PTPRD: variants seen among roughly 807,000 people sequenced by gnomAD.
PTPRD encodes the protein protein tyrosine phosphatase receptor type D, also known as receptor-type tyrosine-protein phosphatase delta.
In PTPRD, 34 loss-of-function variants were observed where a neutral mutation model predicts 214.5. The observed-to-expected ratio is 0.16, with a 90% CI of 0.12 to 0.21. PTPRD has a LOEUF of 0.21. Ranked by LOEUF, PTPRD falls within the 10% of genes least tolerant of loss-of-function variation. The probability of loss-of-function intolerance (pLI) is 1.00; values close to 1 mark genes in which losing one functional copy is unlikely to be tolerated. For synonymous variants in PTPRD, 1,128 were observed against 845.7 expected (o/e 1.33, Z -5.79); for missense variants, 2,545 against 2,398.7 (o/e 1.06, Z -1.27).
At chr9:9,959,476 T>C (rs951964664) in intron 4 of PTPRD, among the ~76,000 whole-genome samples, 3 of 151,966 alleles carry the variant, frequency 2.0e-5, no homozygotes, top group Admixed American at 2.0e-4. Flanking sequence ...CAGCACAGAG[T>C]AAAACTTAAT....
chr9:9,998,129 A>AATATAT lies in PTPRD; in HGVS notation c.-472+35583_-472+35588dup, dbSNP rs1555449231. Among the ~76,000 whole-genome samples, 85 of 91,432 alleles carry AATATAT rather than the reference A, an allele frequency of 9.3e-4. 3 individuals carry two copies. The Middle Eastern group carries it at 0.019, about 20-fold the overall frequency. 60.0% of individuals were successfully genotyped at this position (91,432 alleles called of 152,430 possible). ...TTAAAGTATAATAAAAAAAAAAAAAAATATATATATATATATAAAAGAAGA... is the reference window on the plus strand; with the variant it reads ...TTAAAGTATAATAAAAAAAAAAAAAAATATATATATATATATATATATAAAAGAAGA... On this transcript the variant is annotated intron_variant, in intron 4 of 45. Transcript: ENST00000381196.
chr9:9,513,730 C>A (rs1039349917), intron 8 of PTPRD, among the ~76,000 whole-genome samples: 5 of 151,832 alleles, frequency 3.3e-5, no homozygotes, highest in Admixed American at 6.6e-5. Context: ...ATAGATAGCA[C>A]CAAAATTCCA....
At chr9:9,093,380 A>G (rs1333970105) in intron 10 of PTPRD, among the ~76,000 whole-genome samples, 1 of 152,070 alleles carries the variant, frequency 6.6e-6, no homozygotes, top group South Asian at 2.1e-4. Flanking sequence ...GGCAGACTAC[A>G]TAGTTTATTC....
chr9:8,585,276 T>C (rs1412039503), intron 14 of PTPRD, among the ~76,000 whole-genome samples: 1 of 152,154 alleles, frequency 6.6e-6, no homozygotes, highest in Non-Finnish European at 1.5e-5. Context: ...TGAAGATAGA[T>C]GGAAACAAAT....
At chr9:8,427,610 A>C (rs2094770420) in intron 35 of PTPRD, among the ~76,000 whole-genome samples, 1 of 152,054 alleles carries the variant, frequency 6.6e-6, no homozygotes, top group Admixed American at 6.6e-5. Context: ...AACAAGTGAT[A>C]ATTGCACTGG....
intron 8 of PTPRD, among the ~76,000 whole-genome samples, chr9:9,418,267 G>T (rs192368757): frequency 7.2e-5 from 11 of 152,066 alleles, no homozygotes; most frequent in Admixed American, 7.2e-4. Context: ...AAGGCCAACT[G>T]GGTTTTCTGC....
rs73396833 is a variant in PTPRD, at chr9:9,799,107, T to A, written c.-367-32256A>T. ...TTATCTACACATTTTAAAATTCATT[T>A]GACCAGAAGGTTCCCTCCAATTTAT... On this transcript the variant is annotated intron_variant, in intron 5 of 45. Coordinates refer to ENST00000381196, the MANE Select transcript of PTPRD (RefSeq NM_002839.4). 5.3e-3 allele frequency among the ~76,000 whole-genome samples: 803 copies of A among 152,338 alleles called. 2 individuals carry two copies. The highest frequency in any genetic ancestry group is 0.016 in the African/African-American group (669 of 41,576).
intron 7 of PTPRD, among the ~76,000 whole-genome samples, chr9:9,690,635 G>T (rs551423964): frequency 1.3e-3 from 197 of 151,894 alleles, no homozygotes; most frequent in African/African-American, 4.4e-3. Context: ...ATTCCATTTT[G>T]ATTTGTTTTA....
chr9:10,181,203 G>T (rs1330549578), intron 3 of PTPRD, among the ~76,000 whole-genome samples: 1 of 151,974 alleles, frequency 6.6e-6, no homozygotes, highest in Non-Finnish European at 1.5e-5. Flanking sequence ...ATAGGAGTTT[G>T]TTTACCATAA....
At chr9:9,740,530 T>G (rs972513596) in intron 6 of PTPRD, among the ~76,000 whole-genome samples, 19 of 151,774 alleles carry the variant, frequency 1.3e-4, no homozygotes, top group Non-Finnish European at 1.8e-4. Context: ...GCTAATTTTT[T>G]TTGTGTATTT....
In PTPRD at chr9:8,813,240, C is replaced by T. The variant is rs569629297; in HGVS notation, c.-103-79294G>A. Among the ~76,000 whole-genome samples the T allele has an allele frequency of 2.6e-5, 4 of 151,344 alleles. No individual in the cohort carries two copies. In the East Asian group the frequency reaches 5.8e-4, roughly 22 times the overall value. The stretch of plus-strand genomic sequence containing the variant: ...TATTAAGTCTGCATATGAGACCAGA[C>T]GAGGAGGAAGCATTGAGGAAGGGCG... On this transcript the variant is annotated intron_variant, in intron 11 of 45. Coordinates refer to ENST00000381196, the MANE Select transcript of PTPRD (RefSeq NM_002839.4).
chr9:8,730,975 C>A (rs141115177), intron 12 of PTPRD, among the ~76,000 whole-genome samples: 1 of 152,154 alleles, frequency 6.6e-6, no homozygotes, highest in Admixed American at 6.5e-5. Flanking sequence ...TACAAACACA[C>A]GTCTAGCTTT....
chr9:9,243,248 T>C (rs2099971286), intron 9 of PTPRD, among the ~76,000 whole-genome samples: 1 of 152,200 alleles, frequency 6.6e-6, no homozygotes, highest in South Asian at 2.1e-4. Flanking sequence ...CTGAAACTAT[T>C]ACAATCAATA....
chr9:9,607,578 C>G (rs1441542418), intron 7 of PTPRD, among the ~76,000 whole-genome samples: 1 of 152,074 alleles, frequency 6.6e-6, no homozygotes, highest in Non-Finnish European at 1.5e-5. Context: ...CATCCTCAGT[C>G]TATCCAGAAA....
At chr9:10,125,375 C>G (rs1282250986) in intron 3 of PTPRD, among the ~76,000 whole-genome samples, 2 of 146,858 alleles carry the variant, frequency 1.4e-5, no homozygotes, top group South Asian at 4.3e-4. Flanking sequence ...TTTTTCTTTT[C>G]GTTTTTATCT....
intron 11 of PTPRD, among the ~76,000 whole-genome samples, chr9:8,760,501 T>G (rs2094342362): frequency 6.6e-6 from 1 of 152,180 alleles, no homozygotes; most frequent in Non-Finnish European, 1.5e-5. Context: ...CTACTCATTT[T>G]CTATTTCCTC....
At chr9:8,356,553 G>A (rs1028934747) in intron 39 of PTPRD, among the ~76,000 whole-genome samples, 5 of 152,178 alleles carry the variant, frequency 3.3e-5, no homozygotes, top group Admixed American at 3.3e-4. Flanking sequence ...TGCAGGTACA[G>A]CTGGGAAAAC....
intron 12 of PTPRD, among the ~76,000 whole-genome samples, chr9:8,695,720 A>G (rs1047613873): frequency 6.6e-6 from 1 of 152,214 alleles, no homozygotes; most frequent in African/African-American, 2.4e-5. Context: ...CTCCTAGAAA[A>G]TTAATAAACT....
At chr9:9,328,521 T>C (rs185457802) in intron 9 of PTPRD, among the ~76,000 whole-genome samples, 241 of 151,974 alleles carry the variant, frequency 1.6e-3, no homozygotes, top group Non-Finnish European at 3.0e-3. Context: ...AATCTGTCAA[T>C]TTAGCATATG....
Sources: allele counts gnomAD v4.1 joint callset (sites outside exome capture counted in the v4.1 genomes callset), GRCh38; gene constraint gnomAD v4.1.1; transcripts MANE v1.5; gene names NCBI Gene and HGNC (gene_info 2026-07-23, HGNC 2026-07-21).